Variants in CPNE2 observed in about 807,000 individuals in gnomAD.
CPNE2 encodes the protein copine 2.
A neutral mutation model predicts 69.7 loss-of-function variants in CPNE2; 42 were observed. The observed-to-expected ratio is 0.60, with a 90% CI of 0.47 to 0.78. The LOEUF (loss-of-function observed/expected upper bound fraction) is 0.78, where lower values mean the gene tolerates loss of function less well. CPNE2 is among the 30% of genes least tolerant of loss of function. CPNE2 has a pLI of 0.00. For missense variants in CPNE2, 587 were observed against 732.0 expected, an observed-to-expected ratio of 0.80 and a Z score of 2.29; for synonymous variants, 294 against 289.8, an observed-to-expected ratio of 1.01 and a Z score of -0.15.
chr16:57,146,426 TCTC>T lies in CPNE2; in HGVS notation c.1539+107_1539+109del. 1 of 968,740 alleles carries T rather than the reference TCTC, an allele frequency of 1.0e-6. No homozygotes were observed. Among genetic ancestry groups the T allele is most frequent in the South Asian group, 1.6e-5 (1 of 60,754 alleles). 60.0% of individuals were successfully genotyped at this position (968,740 alleles called of 1,614,324 possible). A position where few individuals can be genotyped will look rare whatever the true frequency, so the allele number is the denominator to read the frequency against. ...GGGTTGTCTGGCCCAATCCTAGACT[TCTC>T]CACTCCATTGACTATGCTCTTCTGA... On this transcript the variant is annotated intron_variant, in intron 15 of 15. Coordinates refer to ENST00000290776, the MANE Select transcript of CPNE2 (RefSeq NM_152727.6). This position sits in a 1 kb window ranked among gnomAD's most constrained non-coding sequence, Gnocchi z 4.4.
intron 10 of CPNE2, chr16:57,124,767 G>A (rs9928444): frequency 0.62 from 129,669 of 210,028 alleles, 40,788 homozygotes; most frequent in Admixed American, 0.73. Context: ...GATCCTAATG[G>A]GAAATGGAGG....
chr16:57,125,915 A>C lies in CPNE2; in HGVS notation c.983A>C (p.His328Pro). ...NGNPLDPSSL[H>P]YINPMGTNEY... The stretch of plus-strand genomic sequence containing the variant: ...AATCCCCTCGACCCTTCCTCTTTGC[A>C]CTATATCAACCCTATGGGCACCAAC... The change falls in exon 11 of 16, where the codon CAC becomes CCC. Residue 328 changes from histidine to proline, a missense_variant. This residue lies in a region of CPNE2 where 269 missense variants were observed against 300.5 expected (regional missense o/e 0.90). Coordinates refer to ENST00000290776, the MANE Select transcript of CPNE2 (RefSeq NM_152727.6). 1 of 1,614,132 alleles carries C rather than the reference A, an allele frequency of 6.2e-7. No individual in the cohort carries two copies. Among genetic ancestry groups the C allele is most frequent in the East Asian group, 2.2e-5 (1 of 44,872 alleles).
intron 3 of CPNE2, among the ~76,000 whole-genome samples, chr16:57,114,960 A>AAAAAAG (rs2069707910): frequency 6.7e-6 from 1 of 149,858 alleles, no homozygotes; most frequent in Admixed American, 6.7e-5. Flanking sequence ...AAAAAAAAAA[A>AAAAAAG]GCCAGGCGTG....
chr16:57,096,462 TAGTC>T lies in CPNE2; in HGVS notation c.-36+3675_-36+3678del, dbSNP rs552117973. 3.3e-5 allele frequency among the ~76,000 whole-genome samples: 5 copies of T among 152,240 alleles called. No homozygotes were observed. The East Asian group carries it at 9.7e-4, about 29-fold the overall frequency. ...ATCCCAGTACTGAGGGAGGCCAAGA[TAGTC>T]AGACCACTTGAGCCCAGGAGTTCAA... On this transcript the variant is annotated intron_variant, in intron 1 of 15. Coordinates refer to ENST00000290776, the MANE Select transcript of CPNE2 (RefSeq NM_152727.6).
intron 1 of CPNE2, among the ~76,000 whole-genome samples, chr16:57,097,094 C>T (rs532471971): frequency 3.3e-5 from 5 of 152,318 alleles, no homozygotes; most frequent in East Asian, 3.9e-4. Flanking sequence ...CAGCCATGAA[C>T]GAGAGAGACC....
intron 6 of CPNE2, 112 bp from the exon 7 acceptor site, chr16:57,119,449 G>A (rs1381765185): frequency 8.8e-7 from 1 of 1,135,992 alleles, no homozygotes; most frequent in Non-Finnish European, 1.3e-6. Flanking sequence ...TTCTGTCTCT[G>A]GAAGTGTGGC....
intron 1 of CPNE2, among the ~76,000 whole-genome samples, chr16:57,107,695 T>A (rs1273876346): frequency 3.3e-5 from 5 of 151,988 alleles, no homozygotes; most frequent in Non-Finnish European, 7.4e-5. Context: ...AAAACGCAAA[T>A]CAGATAATGT....
At chr16:57,134,443 A>T (rs145395025) in intron 12 of CPNE2, among the ~76,000 whole-genome samples, 1 of 152,112 alleles carries the variant, frequency 6.6e-6, no homozygotes, top group Non-Finnish European at 1.5e-5. Context: ...GCATCCTGGA[A>T]CCCTGGCCCA....
chr16:57,093,648 T>C (rs2069559341), intron 1 of CPNE2, among the ~76,000 whole-genome samples: 1 of 152,124 alleles, frequency 6.6e-6, no homozygotes, highest in African/African-American at 2.4e-5. Flanking sequence ...TCATCTTGCA[T>C]CTGAATCCCC....
chr16:57,105,376 A>G (rs1054889810), intron 1 of CPNE2, among the ~76,000 whole-genome samples: 41 of 151,572 alleles, frequency 2.7e-4, no homozygotes, highest in African/African-American at 9.7e-4. Flanking sequence ...TAAGGGCAAG[A>G]TGCCTCCTCG....
chr16:57,127,233 A>G (rs1368340742), intron 11 of CPNE2, among the ~76,000 whole-genome samples: 1 of 152,188 alleles, frequency 6.6e-6, no homozygotes, highest in Non-Finnish European at 1.5e-5. Context: ...TTAGAGGATG[A>G]GTAGGAGTTT....
rs2069959625 is a variant in CPNE2 at position 57,146,483 on chromosome 16, A to AGGCCTTGCCC, written c.1539+163_1539+172dup. On this transcript the variant is annotated intron_variant, in intron 15 of 15. Coordinates refer to ENST00000290776, the MANE Select transcript of CPNE2 (RefSeq NM_152727.6). This position sits in a 1 kb window ranked among gnomAD's most constrained non-coding sequence, Gnocchi z 4.4. ...CCTGCCATGTGCCAGGCGCCGTGCC[A>AGGCCTTGCCC]GGCCTTGCCCCGGTGGTGGCCATTG... The AGGCCTTGCCC allele has an allele frequency of 1.5e-6, 1 of 661,844 alleles. No homozygotes were observed. Among genetic ancestry groups the AGGCCTTGCCC allele is most frequent in the Non-Finnish European group, 2.6e-6 (1 of 391,678 alleles). 41.0% of individuals were successfully genotyped at this position (661,844 alleles called of 1,614,324 possible). A position where few individuals can be genotyped will look rare whatever the true frequency, so the allele number is the denominator to read the frequency against.
rs567727554 is a variant in CPNE2 at position 57,145,953 on chromosome 16, G to C, written c.1303-132G>C. On this transcript the variant is annotated intron_variant, in intron 14 of 15. Transcript: ENST00000290776. Reference sequence around the variant, plus strand: ...GAGCAGGACGCATAGTGAGTTGTCTGGGACTTGGCTGCAGCTGGGTAAGAT... The same window carrying C: ...GAGCAGGACGCATAGTGAGTTGTCTCGGACTTGGCTGCAGCTGGGTAAGAT... The C allele has an allele frequency of 1.6e-4, 114 of 734,766 alleles. No individual in the cohort carries two copies. In the Middle Eastern group the frequency reaches 3.8e-3, roughly 24 times the overall value. The allele number at this position is 734,766 out of a possible 1,614,324, so 45.5% of individuals were successfully genotyped here.
At chr16:57,102,161 C>G (rs1387552944) in intron 1 of CPNE2, among the ~76,000 whole-genome samples, 1 of 152,164 alleles carries the variant, frequency 6.6e-6, no homozygotes, top group South Asian at 2.1e-4. Flanking sequence ...CTATGTTGCC[C>G]AGCTGGGCTT....
chr16:57,119,398 AC>A, intron 6 of CPNE2, 120 bp downstream of exon 6: 4 of 1,151,940 alleles, frequency 3.5e-6, no homozygotes, highest in Admixed American at 1.9e-5. Flanking sequence ...CCACAGTGGC[AC>A]CTGAGGGATA....
intron 13 of CPNE2, among the ~76,000 whole-genome samples, chr16:57,135,229 G>A (rs2069869962): frequency 6.6e-6 from 1 of 152,036 alleles, no homozygotes; most frequent in East Asian, 1.9e-4. Context: ...CTTCCCACCC[G>A]CCCCCTTGCT....
intron 10 of CPNE2, 141 bp from the exon 11 acceptor site, chr16:57,125,719 G>C: frequency 9.9e-7 from 1 of 1,005,558 alleles, no homozygotes; most frequent in Non-Finnish European, 1.4e-6. Flanking sequence ...AGCATTTCTA[G>C]GTTTCAGACC....
intron 10 of CPNE2, chr16:57,124,087 CTT>C (rs1187084598): frequency 2.8e-4 from 41 of 145,618 alleles, no homozygotes; most frequent in South Asian, 6.0e-4. Flanking sequence ...CTTTTCTTTT[CTT>C]TTTTTTTTTT....
rs762547763 is a variant in CPNE2 at position 57,110,741 on chromosome 16, C to T, written c.-2C>T. 4 of 1,605,084 alleles carry T rather than the reference C, an allele frequency of 2.5e-6. No homozygotes were observed. The African/African-American group carries it at 4.0e-5, about 16-fold the overall frequency. On this transcript the variant is annotated 5_prime_UTR_variant, in exon 2 of 16. Coordinates refer to ENST00000290776, the MANE Select transcript of CPNE2 (RefSeq NM_152727.6). ...GAACTCCTGCCACCGCCACCGGCTC[C>T]CATGGCCCACATACCCAGTGGGGGT...
Sources: gnomAD v4.1 joint callset for allele counts (sites outside exome capture counted in the v4.1 genomes callset) on GRCh38, gnomAD v4.1.1 for gene constraint, gnomAD v4.1.1 regional missense constraint, Gnocchi (gnomAD v3.1) non-coding constraint, MANE v1.5 for transcripts, NCBI Gene and HGNC (gene_info 2026-07-23, HGNC 2026-07-21) for gene names.